The following ZFAT variants were observed in gnomAD, a reference collection of about 807,000 sequenced individuals.
ZFAT encodes zinc finger and AT-hook domain containing.
Under a neutral mutation model 117.7 loss-of-function variants are expected in ZFAT, and 64 were observed. That is an observed-to-expected ratio of 0.54 (90% confidence interval 0.44 to 0.67). The LOEUF (loss-of-function observed/expected upper bound fraction) is 0.67, where lower values mean the gene tolerates loss of function less well. Among genes scored for constraint, ZFAT ranks in the 30% least tolerant of loss-of-function variants. The pLI, the probability that ZFAT is intolerant of heterozygous loss-of-function variation, is 0.00. For missense variants in ZFAT, 1,433 were observed against 1,584.5 expected (o/e 0.90, Z 1.62); for synonymous variants, 679 against 615.0 (o/e 1.10, Z -1.54).
the ZFAT span, among the ~76,000 whole-genome samples, chr8:134,740,718 C>A: frequency 6.6e-5 from 10 of 152,172 alleles, no homozygotes; most frequent in Admixed American, 6.5e-4. Context: ...TTTGGAAGGA[C>A]CTCTGGCCTC....
intron 15 of ZFAT, among the ~76,000 whole-genome samples, chr8:134,499,592 T>A (rs1431508512): frequency 6.6e-6 from 1 of 150,964 alleles, no homozygotes; most frequent in East Asian, 2.0e-4. Context: ...CGCTGCTGGT[T>A]ACACACAGAG....
At chr8:134,618,284 T>C (rs1828882333) in intron 3 of ZFAT, among the ~76,000 whole-genome samples, 2 of 152,196 alleles carry the variant, frequency 1.3e-5, no homozygotes, top group South Asian at 2.1e-4. Context: ...TCCAGAGCCA[T>C]TCGTCATCTT....
At chr8:134,532,436 A>T (rs1163537788) in intron 12 of ZFAT, among the ~76,000 whole-genome samples, 3 of 152,370 alleles carry the variant, frequency 2.0e-5, no homozygotes, top group South Asian at 4.1e-4. Context: ...AATCATAATT[A>T]GGAAGACAGT....
At chr8:134,804,816 T>C in the ZFAT span, 1 of 517,590 alleles carries the variant, frequency 1.9e-6, no homozygotes, top group African/African-American at 2.0e-5. Context: ...ACACATTTTA[T>C]AGCCTCCTCA....
chr8:134,753,906 A>C, the ZFAT span, among the ~76,000 whole-genome samples: 1 of 152,212 alleles, frequency 6.6e-6, no homozygotes, highest in Non-Finnish European at 1.5e-5. Flanking sequence ...TTTGAAAATG[A>C]AAAAACAACC....
chr8:134,767,817 G>A, the ZFAT span, among the ~76,000 whole-genome samples: 34 of 152,028 alleles, frequency 2.2e-4, no homozygotes, highest in East Asian at 3.9e-4. Flanking sequence ...GTAAATTTCC[G>A]TTTATCTTGC....
the ZFAT span, among the ~76,000 whole-genome samples, chr8:134,721,704 C>T: frequency 1.3e-5 from 2 of 152,182 alleles, no homozygotes; most frequent in African/African-American, 4.8e-5. Context: ...CCTCCTTCTT[C>T]CCAGGCAAGT....
intron 1 of ZFAT, among the ~76,000 whole-genome samples, chr8:134,685,819 T>G (rs1833294390): frequency 6.6e-6 from 1 of 152,170 alleles, no homozygotes; most frequent in Non-Finnish European, 1.5e-5. Flanking sequence ...TTAAAAAACA[T>G]GGCTAGTATT....
chr8:134,795,855 A>AC, the ZFAT span: 1 of 152,214 alleles, frequency 6.6e-6, no homozygotes, highest in East Asian at 1.9e-4. Context: ...TTTGGGAGAG[A>AC]CAGGATTTGG....
the ZFAT span, among the ~76,000 whole-genome samples, chr8:134,759,941 A>C: frequency 8.8e-4 from 130 of 147,670 alleles, no homozygotes; most frequent in African/African-American, 3.1e-3. Context: ...ACTGCACTCC[A>C]GACTGGGCAA....
intron 11 of ZFAT, among the ~76,000 whole-genome samples, chr8:134,555,421 T>C (rs143073691): frequency 6.6e-6 from 1 of 152,362 alleles, no homozygotes; most frequent in Non-Finnish European, 1.5e-5. Context: ...CTATGAACTG[T>C]CTTGGAAGTC....
upstream of ZFAT, chr8:134,713,123 G>A (rs1814091571): frequency 5.3e-6 from 2 of 379,458 alleles, no homozygotes; most frequent in East Asian, 4.0e-5. Context: ...GCGCGGCCCG[G>A]CAGGGCCGAG....
chr8:134,484,129 C>A (rs1817504260), intron 15 of ZFAT, among the ~76,000 whole-genome samples: 1 of 152,190 alleles, frequency 6.6e-6, no homozygotes, highest in Non-Finnish European at 1.5e-5. Context: ...GTGGGTCCTG[C>A]ATTGCTCCCA....
intron 3 of ZFAT, among the ~76,000 whole-genome samples, chr8:134,622,454 C>T (rs142792022): frequency 2.8e-4 from 42 of 152,324 alleles, no homozygotes; most frequent in African/African-American, 9.9e-4. Context: ...GGCTGAAGCC[C>T]TTTCTATGAC....
chr8:134,764,661 T>A, the ZFAT span: 3 of 152,254 alleles, frequency 2.0e-5, no homozygotes, highest in African/African-American at 7.2e-5. Context: ...CTGATGTGCA[T>A]CTTTTAATTT....
intron 3 of ZFAT, among the ~76,000 whole-genome samples, chr8:134,626,010 A>C (rs1829472304): frequency 6.6e-6 from 1 of 152,186 alleles, no homozygotes; most frequent in African/African-American, 2.4e-5. Context: ...AGTCCCTGAG[A>C]GCCAGCAGCC....
At chr8:134,720,703 G>A in the ZFAT span, among the ~76,000 whole-genome samples, 2 of 152,240 alleles carry the variant, frequency 1.3e-5, no homozygotes, top group Non-Finnish European at 2.9e-5. Flanking sequence ...GCATTTTCCA[G>A]AAGAATCCCG....
intron 2 of ZFAT, among the ~76,000 whole-genome samples, chr8:134,640,212 T>C (rs986489680): frequency 6.6e-6 from 1 of 152,192 alleles, no homozygotes; most frequent in Non-Finnish European, 1.5e-5. Context: ...TGAGTTATTC[T>C]AGCAAATTAT....
Position 134,638,549 on chromosome 8 carries a change from C to CAAAAAAA in ZFAT, c.197-844_197-838dup, listed in dbSNP as rs758050176. Among the ~76,000 whole-genome samples the CAAAAAAA allele has an allele frequency of 6.0e-4, 61 of 101,108 alleles. 3 individuals carry two copies. The highest frequency in any genetic ancestry group is 1.3e-3 in the African/African-American group (34 of 26,856). The allele number at this position is 101,108 out of a possible 152,430, so 66.3% of individuals were successfully genotyped here. ...TGAAACTCTGTCTCTACTAAAAATA[C>CAAAAAAA]AAAAAAAAAACAAAACAAAAAAAAA... On this transcript the variant is annotated intron_variant, in intron 2 of 15. Transcript: ENST00000377838.
Sources: allele counts gnomAD v4.1 joint callset (sites outside exome capture counted in the v4.1 genomes callset), GRCh38; gene constraint gnomAD v4.1.1; transcripts MANE v1.5; gene names NCBI Gene and HGNC (gene_info 2026-07-23, HGNC 2026-07-21).